Variants in PKHD1L1 observed in about 807,000 individuals in gnomAD.
The protein encoded by PKHD1L1 is fibrocystin-L.
PKHD1L1 carries 434 observed loss-of-function variants against 462.9 expected under a neutral mutation model. The observed-to-expected ratio is 0.94, with a 90% CI of 0.87 to 1.02. The LOEUF (loss-of-function observed/expected upper bound fraction) is 1.02. PKHD1L1 is among the 50% of genes least tolerant of loss of function. The pLI, the probability that PKHD1L1 is intolerant of heterozygous loss-of-function variation, is 0.00. For missense variants in PKHD1L1, 5,202 were observed against 5,096.1 expected (o/e 1.02, Z -0.63); for synonymous variants, 1,781 against 1,750.0 (o/e 1.02, Z -0.44).
rs771037531 is a variant in PKHD1L1 at position 109,443,835 on chromosome 8, C to G, written c.4724C>G (p.Thr1575Ser). 1 of 1,613,874 alleles carries G rather than the reference C, an allele frequency of 6.2e-7. No homozygotes were observed. Among genetic ancestry groups the G allele is most frequent in the Admixed American group, 1.7e-5 (1 of 60,002 alleles). ...SPSISNITPSTGTVNELITII... is the reference protein window; with the variant it reads ...SPSISNITPSSGTVNELITII... ...TCTATAAGCAACATTACTCCGTCCA[C>G]TGGAACAGTAAATGAACTAATAACA... The change falls in exon 37 of 78, where the codon ACT becomes AGT. Residue 1575 changes from threonine (T) to serine (S), a missense_variant. Coordinates refer to ENST00000378402, the MANE Select transcript of PKHD1L1 (RefSeq NM_177531.6).
chr8:109,479,506 T>C, intron 53 of PKHD1L1, 45 bp from the exon 54 acceptor site: 1 of 1,215,770 alleles, frequency 8.2e-7, no homozygotes, highest in Non-Finnish European at 1.2e-6. Flanking sequence ...AATTAGGGAA[T>C]ATCACAAGTA....
At chr8:109,434,021 C>A (rs1049241856) in intron 28 of PKHD1L1, among the ~76,000 whole-genome samples, 1 of 152,008 alleles carries the variant, frequency 6.6e-6, no homozygotes, top group Non-Finnish European at 1.5e-5. Context: ...AACGGAAAAC[C>A]AAACACCAGA....
chr8:109,454,990 C>A, intron 45 of PKHD1L1, 138 bp downstream of exon 45: 1 of 1,154,146 alleles, frequency 8.7e-7, no homozygotes, highest in Non-Finnish European at 1.2e-6. Context: ...TAGATATCCC[C>A]TCTTTACCCC....
intron 46 of PKHD1L1, among the ~76,000 whole-genome samples, chr8:109,459,387 A>C (rs1466103595): frequency 6.6e-6 from 1 of 152,194 alleles, no homozygotes; most frequent in African/African-American, 2.4e-5. Context: ...ACCTTGAAAA[A>C]TATTTCATTG....
At chr8:109,379,752 C>T (rs1481826140) in intron 2 of PKHD1L1, among the ~76,000 whole-genome samples, 4 of 152,128 alleles carry the variant, frequency 2.6e-5, no homozygotes, top group Non-Finnish European at 5.9e-5. Flanking sequence ...CATCATGGGT[C>T]GCAATATAGA....
rs1421979917 is a variant in PKHD1L1 at position 109,465,132 on chromosome 8, G to A, written c.8300G>A (p.Cys2767Tyr). 1 of 1,613,812 alleles carries A rather than the reference G, an allele frequency of 6.2e-7. No individual in the cohort carries two copies. Among genetic ancestry groups the A allele is most frequent in the Admixed American group, 1.7e-5 (1 of 59,972 alleles). ...ATCTCTGGAGTTTGTAATGACAGATGTGGGGGTTGGAGTGCAAAGTTTGTT... is the reference window on the plus strand; with the variant it reads ...ATCTCTGGAGTTTGTAATGACAGATATGGGGGTTGGAGTGCAAAGTTTGTT... ...TSISGVCNDR[C>Y]GGWSAKFVDV... Residue 2767 changes from cysteine (C) to tyrosine (Y), a missense_variant, in exon 49 of 78, where the codon TGT becomes TAT. Transcript: ENST00000378402.
rs1272571252 is a variant in PKHD1L1 at position 109,534,610 on chromosome 8, G to A, written c.*4520G>A. On this transcript the variant is annotated 3_prime_UTR_variant, in exon 78 of 78. Coordinates refer to ENST00000378402, the MANE Select transcript of PKHD1L1 (RefSeq NM_177531.6). ...TCCCCATTATGGTAGTAGCTGCAAG[G>A]AGTGTTCAGTCTCCAGTGAAAGAAA... is the stretch of plus-strand genomic sequence containing the variant. Among the ~76,000 whole-genome samples the A allele has an allele frequency of 6.6e-6, 1 of 152,144 alleles. No individual in the cohort carries two copies. The highest frequency in any genetic ancestry group is 6.5e-5 in the Admixed American group (1 of 15,278).
intron 53 of PKHD1L1, 102 bp from the exon 54 acceptor site, chr8:109,479,449 C>T: frequency 2.6e-6 from 2 of 782,126 alleles, no homozygotes; most frequent in East Asian, 5.4e-5. Context: ...TTCTTCTCTA[C>T]CATGTAAAAT....
At chr8:109,404,217 A>C (rs537435534) in intron 14 of PKHD1L1, among the ~76,000 whole-genome samples, 1 of 152,116 alleles carries the variant, frequency 6.6e-6, no homozygotes, top group East Asian at 1.9e-4. Flanking sequence ...TAACCTCTGC[A>C]TGTTGTCTGT....
At position 109,445,412 on chromosome 8, in the gene PKHD1L1, C is replaced by T; in HGVS notation, c.5543C>T (p.Thr1848Ile). 6.2e-7 allele frequency: 1 copy of T among 1,614,008 alleles called. No homozygotes were observed. The highest frequency in any genetic ancestry group is 1.1e-5 in the South Asian group (1 of 91,086). ...TCTGGAAGCATTGGTGGTGGAACTACACTGGTGATCACAGGAAATGGCTTC... is the reference window on the plus strand; with the variant it reads ...TCTGGAAGCATTGGTGGTGGAACTATACTGGTGATCACAGGAAATGGCTTC... ...PTSGSIGGGTTLVITGNGFYP... is the reference protein window; with the variant it reads ...PTSGSIGGGTILVITGNGFYP... Residue 1848 changes from threonine to isoleucine, a missense_variant, in exon 38 of 78, where the codon ACA becomes ATA. Physicochemically the swap from Thr to Ile is moderately conservative, Grantham distance 89. Around this residue, in one of 3 missense-constraint regions of PKHD1L1, gnomAD observed 4,497 missense variants for 4,336.8 expected, o/e 1.04. Coordinates refer to ENST00000378402, the MANE Select transcript of PKHD1L1 (RefSeq NM_177531.6).
At chr8:109,476,828 AG>A (rs1416008431) in intron 52 of PKHD1L1, among the ~76,000 whole-genome samples, 161 bp downstream of exon 52, 2 of 152,166 alleles carry the variant, frequency 1.3e-5, no homozygotes, top group Non-Finnish European at 2.9e-5. Flanking sequence ...ATTCTTGAAA[AG>A]GTTTTGAGTT....
intron 26 of PKHD1L1, 118 bp from the exon 27 acceptor site, chr8:109,429,814 G>C (rs1814990716): frequency 1.4e-6 from 1 of 734,782 alleles, no homozygotes; most frequent in Non-Finnish European, 2.3e-6. Context: ...AAAAAATATA[G>C]ACTAATTTCA....
At position 109,390,448 on chromosome 8, in the gene PKHD1L1, C is replaced by A; in HGVS notation, c.698-4C>A. On this transcript the variant is annotated splice_polypyrimidine_tract_variant and splice_region_variant and intron_variant, in intron 8 of 77. Coordinates refer to ENST00000378402, the MANE Select transcript of PKHD1L1 (RefSeq NM_177531.6). ...ATTGATTGTGTATTTTCATTAAATT[C>A]CAGGTCATCACAATGTCAGCTTCAT... 1 of 1,422,728 alleles carries A rather than the reference C, an allele frequency of 7.0e-7. No individual in the cohort carries two copies. Among genetic ancestry groups the A allele is most frequent in the Non-Finnish European group, 9.4e-7 (1 of 1,059,736 alleles). The allele number at this position is 1,422,728 out of a possible 1,614,324, so 88.1% of individuals were successfully genotyped here.
intron 9 of PKHD1L1, among the ~76,000 whole-genome samples, chr8:109,393,472 T>C (rs1249921487): frequency 6.6e-6 from 1 of 152,228 alleles, no homozygotes; most frequent in African/African-American, 2.4e-5. Flanking sequence ...TAAGTGTATA[T>C]GTATGAATAA....
At chr8:109,522,718 C>A in intron 74 of PKHD1L1, 26 bp from the exon 75 acceptor site, 3 of 1,578,606 alleles carry the variant, frequency 1.9e-6, no homozygotes, top group African/African-American at 1.4e-5. Context: ...CATGAAGAAA[C>A]CAGTTCATCC....
intron 67 of PKHD1L1, among the ~76,000 whole-genome samples, chr8:109,500,606 G>A (rs1170410574): frequency 5.6e-5 from 8 of 142,508 alleles, no homozygotes; most frequent in East Asian, 2.0e-4. Context: ...ACTGGGAGGC[G>A]GAGGTTGCAG....
intron 59 of PKHD1L1, 140 bp downstream of exon 59, chr8:109,486,961 T>A: frequency 3.7e-6 from 3 of 809,774 alleles, no homozygotes; most frequent in South Asian, 2.2e-5. Flanking sequence ...TGTAGCCCAG[T>A]TTTTACCTTC....
chr8:109,379,283 T>C (rs540244257), intron 2 of PKHD1L1, among the ~76,000 whole-genome samples: 1 of 152,314 alleles, frequency 6.6e-6, no homozygotes, highest in South Asian at 2.1e-4. Flanking sequence ...ATTATGGGCT[T>C]TGCTTCCTCT....
chr8:109,522,409 T>G (rs1261801407), intron 74 of PKHD1L1, 72 bp downstream of exon 74: 2 of 1,376,572 alleles, frequency 1.5e-6, no homozygotes, highest in Non-Finnish European at 1.9e-6. Context: ...TTATTTTAAC[T>G]CTCTGTTTCT....
Sources: allele counts gnomAD v4.1 joint callset (sites outside exome capture counted in the v4.1 genomes callset), GRCh38; gene constraint gnomAD v4.1.1; regional missense constraint gnomAD v4.1.1; transcripts MANE v1.5; gene names NCBI Gene and HGNC (gene_info 2026-07-23, HGNC 2026-07-21).